Variants in LGR6 observed in about 807,000 individuals in gnomAD.
LGR6 encodes leucine-rich repeat-containing G protein-coupled receptor 6.
In LGR6, 45 loss-of-function variants were observed where a neutral mutation model predicts 69.4. The ratio of observed to expected loss-of-function variants is 0.65; its 90% CI spans 0.51 to 0.83. LGR6 has a LOEUF of 0.83. Ranked by LOEUF, LGR6 falls within the 40% of genes least tolerant of loss-of-function variation. LGR6 has a pLI of 0.00. For missense variants in LGR6, 1,108 were observed against 1,246.7 expected (o/e 0.89, Z 1.68); for synonymous variants, 538 against 555.0 (o/e 0.97, Z 0.43).
chr1:202,284,417 T>A (rs1666246624), intron 6 of LGR6, among the ~76,000 whole-genome samples: 1 of 152,078 alleles, frequency 6.6e-6, no homozygotes, highest in Admixed American at 6.6e-5. Context: ...CAAATGTAGG[T>A]ATTTGGGGGT....
intron 5 of LGR6, among the ~76,000 whole-genome samples, chr1:202,276,778 T>G (rs1235145506): frequency 6.6e-6 from 1 of 152,138 alleles, no homozygotes; most frequent in Non-Finnish European, 1.5e-5. Context: ...AATCAGAAAA[T>G]AGGAATTAAG....
chr1:202,298,299 C>T (rs983243353), intron 7 of LGR6, among the ~76,000 whole-genome samples: 2 of 151,988 alleles, frequency 1.3e-5, no homozygotes, highest in Non-Finnish European at 2.9e-5. Context: ...GGGATTGAGG[C>T]GACAGTGGTG....
chr1:202,247,454 C>G (rs555570798), intron 4 of LGR6, among the ~76,000 whole-genome samples: 1 of 152,220 alleles, frequency 6.6e-6, no homozygotes, highest in African/African-American at 2.4e-5. Flanking sequence ...ATAGGTCTGT[C>G]CCCTAGGCCC....
rs141213868 is a variant in LGR6, at chr1:202,310,197, G to A, written c.1407G>A (p.Arg469=). 4.3e-6 allele frequency: 7 copies of A among 1,613,594 alleles called. No individual in the cohort carries two copies. In the African/African-American group the frequency reaches 8.0e-5, roughly 18 times the overall value. The change falls in exon 16 of 18, where the codon AGG becomes AGA. Residue 469 remains arginine, a splice_region_variant and synonymous_variant. Transcript: ENST00000367278. The part of the protein sequence containing the change: ...AFSKDSFPKL[R]ILEVPYAYQC... ...AATCAGCCTGCCTCTCCCCCACCAG[G>A]ATCCTGGAGGTGCCTTATGCCTACC...
chr1:202,301,895 T>C (rs1667623656), intron 9 of LGR6, among the ~76,000 whole-genome samples: 1 of 152,138 alleles, frequency 6.6e-6, no homozygotes, highest in Non-Finnish European at 1.5e-5. Flanking sequence ...GGTGGGCACC[T>C]GTAATCCCAG....
At position 202,314,773 on chromosome 1, in the gene LGR6, A is replaced by G; in HGVS notation, c.1568-29A>G. On this transcript the variant is annotated intron_variant, in intron 16 of 17. Coordinates refer to ENST00000367278, the MANE Select transcript of LGR6 (RefSeq NM_001017403.2). ...GGCTTGACTGACACCAAGACCCAGG[A>G]CCCTGCATCACTTTGTCTCTCCTTT... 3.2e-6 allele frequency: 5 copies of G among 1,556,912 alleles called. No individual in the cohort carries two copies. In the East Asian group the frequency reaches 1.1e-4, roughly 35 times the overall value.
intron 1 of LGR6, among the ~76,000 whole-genome samples, chr1:202,198,742 G>T (rs1658732734): frequency 6.7e-6 from 1 of 150,356 alleles, no homozygotes; most frequent in Non-Finnish European, 1.5e-5. Flanking sequence ...AGCACCTGAT[G>T]GAAGACGCCA....
chr1:202,270,798 C>G (rs1233956732), intron 4 of LGR6, among the ~76,000 whole-genome samples: 1 of 152,206 alleles, frequency 6.6e-6, no homozygotes, highest in African/African-American at 2.4e-5. Flanking sequence ...GACCAGGACC[C>G]TATGTCCCCA....
At chr1:202,203,705 A>G in intron 1 of LGR6, 2 of 1,083,654 alleles carry the variant, frequency 1.8e-6, no homozygotes, top group East Asian at 4.8e-5. Context: ...GCAGGGCCAG[A>G]TACTGCGTAG....
Position 202,198,657 on chromosome 1 carries a change from A to G in LGR6, c.212+4456A>G, listed in dbSNP as rs149822954. 1.3e-3 allele frequency among the ~76,000 whole-genome samples: 184 copies of G among 142,134 alleles called. 1 individual carries two copies. The South Asian group carries it at 0.019, about 15-fold the overall frequency. 93.2% of individuals were successfully genotyped at this position (142,134 alleles called of 152,430 possible). ...TGGAGTGAGTTCTACTGGGAACCAG[A>G]GTAATTTTAGGTTTTTTTTTTTTTT... On this transcript the variant is annotated intron_variant, in intron 1 of 17. Transcript: ENST00000367278.
chr1:202,262,468 A>G (rs1664312493), intron 4 of LGR6, among the ~76,000 whole-genome samples: 1 of 152,090 alleles, frequency 6.6e-6, no homozygotes. Context: ...TGGTACCAGT[A>G]CCATGCTGTT....
chr1:202,253,325 TG>T (rs1276239111), intron 4 of LGR6, among the ~76,000 whole-genome samples: 3 of 151,868 alleles, frequency 2.0e-5, no homozygotes, highest in Non-Finnish European at 4.4e-5. Flanking sequence ...TTTTTTAAGA[TG>T]GAGTCTTGCT....
At chr1:202,207,704 T>C (rs577694241) in intron 1 of LGR6, among the ~76,000 whole-genome samples, 3 of 152,278 alleles carry the variant, frequency 2.0e-5, no homozygotes, top group South Asian at 4.1e-4. Flanking sequence ...TGGGGAAAGA[T>C]TTACCCTCTT....
intron 4 of LGR6, among the ~76,000 whole-genome samples, chr1:202,246,651 C>G (rs112276848): frequency 3.3e-5 from 5 of 151,884 alleles, no homozygotes; most frequent in African/African-American, 9.7e-5. Context: ...CCATTCTGTG[C>G]ACTTAAAATT....
In LGR6 at chr1:202,247,340, A is replaced by T. The variant is rs115577223; in HGVS notation, c.428+11347A>T. Among the ~76,000 whole-genome samples, 987 of 152,292 alleles carry T rather than the reference A, an allele frequency of 6.5e-3. 12 individuals carry two copies. The highest frequency in any genetic ancestry group is 0.023 in the African/African-American group (940 of 41,574). On this transcript the variant is annotated intron_variant, in intron 4 of 17. Coordinates refer to ENST00000367278, the MANE Select transcript of LGR6 (RefSeq NM_001017403.2). ...CCACCCCCCAGGGGATTAGTATGCA[A>T]TTCAAAATTGGGAATCACTGTTCTT...
chr1:202,314,874 C>T lies in LGR6; in HGVS notation c.1640C>T (p.Pro547Leu). Residue 547 changes from proline (P) to leucine (L), a missense_variant, in exon 17 of 18, where the codon CCT becomes CTT. Coordinates refer to ENST00000367278, the MANE Select transcript of LGR6 (RefSeq NM_001017403.2). ...SKPHPSVQCS[P>L]TPGPFKPCEY... ...CCACACCCCAGTGTCCAGTGTAGCC[C>T]TACTCCAGGTGAGGTGGTGTCTGGG... The T allele has an allele frequency of 6.2e-7, 1 of 1,613,214 alleles. No homozygotes were observed. The highest frequency in any genetic ancestry group is 1.1e-5 in the South Asian group (1 of 91,046).
chr1:202,300,870 C>G lies in LGR6; in HGVS notation c.807C>G (p.Ile269Met). ...LQELGFHNNN[I>M]KAIPEKAFMG... ...CCAGGGGGTTCCATAACAACAACAT[C>G]AAGGCCATCCCAGAAAAGGCCTTCA... The change falls in exon 8 of 18, where the codon ATC becomes ATG. Residue 269 changes from isoleucine to methionine, a missense_variant. By Grantham distance (10) the Ile-to-Met change is conservative. Coordinates refer to ENST00000367278, the MANE Select transcript of LGR6 (RefSeq NM_001017403.2). 6.2e-7 allele frequency: 1 copy of G among 1,612,314 alleles called. No individual in the cohort carries two copies. Among genetic ancestry groups the G allele is most frequent in the Non-Finnish European group, 8.5e-7 (1 of 1,179,276 alleles).
chr1:202,317,550 T>C (rs368410236), intron 17 of LGR6, among the ~76,000 whole-genome samples: 4 of 152,144 alleles, frequency 2.6e-5, no homozygotes, highest in African/African-American at 9.7e-5. Flanking sequence ...TTTGCTTTGT[T>C]GGCCAGGCTG....
intron 1 of LGR6, chr1:202,203,888 A>T (rs1222904752): frequency 1.3e-6 from 2 of 1,597,006 alleles, no homozygotes; most frequent in Admixed American, 1.7e-5. Context: ...GAGTTGTTGC[A>T]TGAAGCAAGA....
Sources: gnomAD v4.1 joint callset for allele counts (sites outside exome capture counted in the v4.1 genomes callset) on GRCh38, gnomAD v4.1.1 for gene constraint, MANE v1.5 for transcripts, NCBI Gene and HGNC (gene_info 2026-07-23, HGNC 2026-07-21) for gene names.